The following PRKN variants were observed in gnomAD, a reference collection of about 807,000 sequenced individuals.
PRKN encodes E3 ubiquitin-protein ligase parkin.
Under a neutral mutation model 59.5 loss-of-function variants are expected in PRKN, and 56 were observed. That is an observed-to-expected ratio of 0.94 (90% CI 0.76 to 1.18). The LOEUF (loss-of-function observed/expected upper bound fraction) is 1.18. Among genes scored for constraint, PRKN ranks in the 50% most tolerant of loss-of-function variants. The probability of loss-of-function intolerance (pLI) is 0.00; values close to 1 mark genes in which losing one functional copy is unlikely to be tolerated. For missense variants in PRKN, 657 were observed against 596.4 expected, an observed-to-expected ratio of 1.10 and a Z score of -1.06; for synonymous variants, 250 against 222.1, an observed-to-expected ratio of 1.13 and a Z score of -1.12.
At chr6:161,930,589 T>C (rs1274706720) in intron 6 of PRKN, among the ~76,000 whole-genome samples, 2 of 152,228 alleles carry the variant, frequency 1.3e-5, no homozygotes, top group African/African-American at 4.8e-5. Context: ...TATTGCTGAA[T>C]AATCCTGACA....
intron 2 of PRKN, among the ~76,000 whole-genome samples, chr6:162,368,180 T>C (rs1354275357): frequency 2.0e-5 from 3 of 151,644 alleles, no homozygotes; most frequent in Non-Finnish European, 1.5e-5. Context: ...TGGGGAAGGG[T>C]TGGGAGAACA....
intron 1 of PRKN, among the ~76,000 whole-genome samples, chr6:162,659,913 T>C (rs1409102291): frequency 6.6e-6 from 1 of 152,172 alleles, no homozygotes; most frequent in African/African-American, 2.4e-5. Flanking sequence ...AGAAAACATT[T>C]TCATCTAAAC....
intron 4 of PRKN, among the ~76,000 whole-genome samples, chr6:162,097,021 C>A (rs1318268148): frequency 6.6e-6 from 1 of 151,874 alleles, no homozygotes; most frequent in Non-Finnish European, 1.5e-5. Flanking sequence ...GGATTACAGG[C>A]ACATGCCACC....
intron 1 of PRKN, among the ~76,000 whole-genome samples, chr6:162,529,406 T>C (rs908948245): frequency 2.0e-5 from 3 of 152,280 alleles, no homozygotes; most frequent in African/African-American, 7.2e-5. Flanking sequence ...AAACAGAATA[T>C]TGATATTACA....
chr6:162,177,119 C>A (rs1363084268), intron 4 of PRKN, among the ~76,000 whole-genome samples: 1 of 152,062 alleles, frequency 6.6e-6, no homozygotes, highest in Non-Finnish European at 1.5e-5. Flanking sequence ...CACACACATG[C>A]ACAGGCACTC....
intron 2 of PRKN, among the ~76,000 whole-genome samples, chr6:162,299,892 C>T (rs533709988): frequency 3.9e-5 from 6 of 152,194 alleles, no homozygotes; most frequent in Admixed American, 3.3e-4. Context: ...TCAATGTTTC[C>T]ATGCAGAAAA....
At chr6:161,756,979 G>A (rs1371716253) in intron 7 of PRKN, among the ~76,000 whole-genome samples, 2 of 152,108 alleles carry the variant, frequency 1.3e-5, no homozygotes, top group East Asian at 1.9e-4. Context: ...TGCAAGATCA[G>A]TTCAGTAGCA....
intron 7 of PRKN, among the ~76,000 whole-genome samples, chr6:161,656,934 C>T (rs1054426458): frequency 3.3e-5 from 5 of 152,124 alleles, no homozygotes; most frequent in African/African-American, 7.2e-5. Flanking sequence ...TCAACGAAGA[C>T]GGGGACTCGT....
chr6:162,655,861 G>A (rs1028975021), intron 1 of PRKN, among the ~76,000 whole-genome samples: 4 of 152,262 alleles, frequency 2.6e-5, no homozygotes, highest in Non-Finnish European at 4.4e-5. Flanking sequence ...TAACTATGCT[G>A]AGTGAAATGT....
Position 161,448,659 on chromosome 6 carries a change from C to T in PRKN, c.1084-61782G>A, listed in dbSNP as rs79879311. 6.0e-3 allele frequency among the ~76,000 whole-genome samples: 918 copies of T among 152,208 alleles called. 5 individuals are homozygous for T. The highest frequency in any genetic ancestry group is 0.027 in the Middle Eastern group (8 of 294). On this transcript the variant is annotated intron_variant, in intron 9 of 11. Coordinates refer to ENST00000366898, the MANE Select transcript of PRKN (RefSeq NM_004562.3). The surrounding 1 kb of genome is among the most constrained non-coding windows in gnomAD (Gnocchi z 5.1). The stretch of plus-strand genomic sequence containing the variant: ...ATATTTGCATTTTTGCTACACATTA[C>T]GTGCAAGGCTTTTATCTGCTTCCTC...
chr6:162,272,999 G>GAAAAA (rs548215878), intron 2 of PRKN, among the ~76,000 whole-genome samples: 2 of 55,022 alleles, frequency 3.6e-5, no homozygotes, highest in Non-Finnish European at 3.6e-5. Context: ...GCCTGTGTCT[G>GAAAAA]AAAAAAAAAA....
chr6:162,261,695 A>G (rs1392148591), intron 3 of PRKN, among the ~76,000 whole-genome samples: 1 of 152,178 alleles, frequency 6.6e-6, no homozygotes, highest in East Asian at 1.9e-4. Flanking sequence ...TCACCAGAGC[A>G]TCAGTTAATG....
chr6:162,524,584 T>C (rs1583723839), intron 1 of PRKN, among the ~76,000 whole-genome samples: 2 of 152,196 alleles, frequency 1.3e-5, no homozygotes, highest in Non-Finnish European at 2.9e-5. Context: ...TGAGCAACTT[T>C]CATTTTTATG....
At chr6:162,185,164 C>A (rs1783974165) in intron 4 of PRKN, among the ~76,000 whole-genome samples, 1 of 152,176 alleles carries the variant, frequency 6.6e-6, no homozygotes, top group Non-Finnish European at 1.5e-5. Context: ...TTCCACAGCA[C>A]ATTTTCCAAT....
At chr6:161,963,913 A>G (rs1311714154) in intron 6 of PRKN, among the ~76,000 whole-genome samples, 4 of 150,954 alleles carry the variant, frequency 2.6e-5, no homozygotes, top group Non-Finnish European at 5.9e-5. Context: ...AGAGCAGCAG[A>G]CTTGGAGGCA....
rs1428387993 is a variant in PRKN, at chr6:161,467,428, T to C, written c.1084-80551A>G. 6.6e-6 allele frequency among the ~76,000 whole-genome samples: 1 copy of C among 152,236 alleles called. No homozygotes were observed. The highest frequency in any genetic ancestry group is 6.5e-5 in the Admixed American group (1 of 15,286). The stretch of plus-strand genomic sequence containing the variant: ...AGCACACACTTACCAAGTTCTTGTA[T>C]GTGCTGGGCATTTAAGAGTGTAATG... On this transcript the variant is annotated intron_variant, in intron 9 of 11. Coordinates refer to ENST00000366898, the MANE Select transcript of PRKN (RefSeq NM_004562.3). The surrounding 1 kb of genome is among the most constrained non-coding windows in gnomAD (Gnocchi z 4.3).
chr6:162,008,969 G>T (rs1010924235), intron 5 of PRKN, among the ~76,000 whole-genome samples: 1 of 151,876 alleles, frequency 6.6e-6, no homozygotes, highest in Non-Finnish European at 1.5e-5. Context: ...AACAGGTGAG[G>T]TGTGGCCAAG....
intron 9 of PRKN, among the ~76,000 whole-genome samples, chr6:161,450,588 G>A (rs563756452): frequency 1.0e-3 from 153 of 151,286 alleles, no homozygotes; most frequent in African/African-American, 3.1e-3. Flanking sequence ...ACGGAGTCTC[G>A]CTCTGTCACC....
chr6:162,578,554 G>T (rs182261038), intron 1 of PRKN, among the ~76,000 whole-genome samples: 14 of 152,264 alleles, frequency 9.2e-5, no homozygotes, highest in African/African-American at 2.9e-4. Context: ...TAGGAAAATT[G>T]TATATAGAAC....
Sources: gnomAD v4.1 joint callset for allele counts (sites outside exome capture counted in the v4.1 genomes callset) on GRCh38, gnomAD v4.1.1 for gene constraint, Gnocchi (gnomAD v3.1) non-coding constraint, MANE v1.5 for transcripts, NCBI Gene and HGNC (gene_info 2026-07-23, HGNC 2026-07-21) for gene names.